The following ST8SIA1 variants were observed in gnomAD, a reference collection of about 807,000 sequenced individuals.
ST8SIA1 encodes alpha-N-acetylneuraminide alpha-2,8-sialyltransferase.
In ST8SIA1, 16 loss-of-function variants were observed where a neutral mutation model predicts 35.9. The ratio of observed to expected loss-of-function variants is 0.45; its 90% CI spans 0.30 to 0.68. ST8SIA1 has a LOEUF of 0.68. Among genes scored for constraint, ST8SIA1 ranks in the 30% least tolerant of loss-of-function variants. The probability of loss-of-function intolerance (pLI) is 0.09; values close to 1 mark genes in which losing one functional copy is unlikely to be tolerated. For missense variants in ST8SIA1, 383 were observed against 453.6 expected (o/e 0.84, Z 1.41); for synonymous variants, 170 against 169.6 (o/e 1.00, Z -0.02).
chr12:22,199,779 T>C lies in ST8SIA1; in HGVS notation c.*1773A>G, dbSNP rs1865030166. The C allele has an allele frequency of 6.6e-6, 1 of 152,234 alleles. No individual in the cohort carries two copies. The highest frequency in any genetic ancestry group is 1.5e-5 in the Non-Finnish European group (1 of 68,038). 9.4% of individuals were successfully genotyped at this position (152,234 alleles called of 1,614,324 possible). A position where few individuals can be genotyped will look rare whatever the true frequency, so the allele number is the denominator to read the frequency against. On this transcript the variant is annotated 3_prime_UTR_variant, in exon 5 of 5. Transcript: ENST00000396037. ...AACCCACAGAAAATACCAGCCATTATTGTTTACGTGGTAACATGGTATGCT... is the reference window on the plus strand; with the variant it reads ...AACCCACAGAAAATACCAGCCATTACTGTTTACGTGGTAACATGGTATGCT...
intron 1 of ST8SIA1, among the ~76,000 whole-genome samples, chr12:22,314,095 T>C (rs1467158849): frequency 6.6e-6 from 1 of 152,092 alleles, no homozygotes; most frequent in Non-Finnish European, 1.5e-5. Flanking sequence ...GTTTTCCCCA[T>C]CCATCCAGAC....
chr12:22,235,799 G>T (rs1865470669), intron 4 of ST8SIA1, among the ~76,000 whole-genome samples: 1 of 152,044 alleles, frequency 6.6e-6, no homozygotes, highest in South Asian at 2.1e-4. Flanking sequence ...CCCTAGGAGG[G>T]TTATATTCTC....
At chr12:22,308,488 T>A (rs1343771913) in intron 1 of ST8SIA1, among the ~76,000 whole-genome samples, 1 of 152,184 alleles carries the variant, frequency 6.6e-6, no homozygotes, top group Non-Finnish European at 1.5e-5. Context: ...AGATCTTTAA[T>A]TTTTGCCCAT....
chr12:22,253,438 T>G (rs1865695717), intron 3 of ST8SIA1, among the ~76,000 whole-genome samples: 1 of 152,194 alleles, frequency 6.6e-6, no homozygotes, highest in African/African-American at 2.4e-5. Context: ...GCAACAGCAC[T>G]TGCTATCTTT....
At chr12:22,309,185 C>A (rs762961372) in intron 1 of ST8SIA1, among the ~76,000 whole-genome samples, 1 of 152,128 alleles carries the variant, frequency 6.6e-6, no homozygotes, top group Non-Finnish European at 1.5e-5. Flanking sequence ...TTGGCCATGA[C>A]GAGGGATAGG....
Position 22,195,608 on chromosome 12 carries a change from A to G in ST8SIA1, c.*5944T>C, listed in dbSNP as rs1042493204. The G allele has an allele frequency of 2.0e-5, 3 of 152,194 alleles. No homozygotes were observed. Among genetic ancestry groups the G allele is most frequent in the South Asian group, 2.1e-4 (1 of 4,828 alleles). 9.4% of individuals were successfully genotyped at this position (152,194 alleles called of 1,614,324 possible). On this transcript the variant is annotated 3_prime_UTR_variant, in exon 5 of 5. Transcript: ENST00000396037. ...CAGAGAAAACTATTCATTATTAACC[A>G]TAACAGCTGGATGACAAGATATTTC...
intron 2 of ST8SIA1, among the ~76,000 whole-genome samples, chr12:22,271,632 T>C (rs1865912866): frequency 6.6e-6 from 1 of 152,182 alleles, no homozygotes; most frequent in Non-Finnish European, 1.5e-5. Flanking sequence ...AAGTGCCAGG[T>C]CTGGAACTTA....
Position 22,199,137 on chromosome 12 carries a change from A to G in ST8SIA1, c.*2415T>C, listed in dbSNP as rs144897161. On this transcript the variant is annotated 3_prime_UTR_variant, in exon 5 of 5. Coordinates refer to ENST00000396037, the MANE Select transcript of ST8SIA1 (RefSeq NM_003034.4). ...TAAAAAGATGAAAAATTTCCACATAATATTTTCTTTCTTTTTCTTTTCTTT... is the reference window on the plus strand; with the variant it reads ...TAAAAAGATGAAAAATTTCCACATAGTATTTTCTTTCTTTTTCTTTTCTTT... The G allele has an allele frequency of 0.017, 2,578 of 148,734 alleles. 55 individuals carry two copies. Among genetic ancestry groups the G allele is most frequent in the Admixed American group, 0.072 (1,044 of 14,444 alleles). The allele number at this position is 148,734 out of a possible 1,614,324, so 9.2% of individuals were successfully genotyped here. A position where few individuals can be genotyped will look rare whatever the true frequency, so the allele number is the denominator to read the frequency against.
chr12:22,223,051 ACTTC>A lies in ST8SIA1; in HGVS notation c.585-21017_585-21014del, dbSNP rs951938972. Among the ~76,000 whole-genome samples the A allele has an allele frequency of 1.1e-4, 16 of 152,262 alleles. No individual in the cohort carries two copies. In the South Asian group the frequency reaches 1.5e-3, roughly 14 times the overall value. Reference sequence around the variant, plus strand: ...TTTTCTTTTCATTCATGTCCTCAATACTTCCTTCATTTATTTAACAAACATGTGT... The same window carrying A: ...TTTTCTTTTCATTCATGTCCTCAATACTTCATTTATTTAACAAACATGTGT... On this transcript the variant is annotated intron_variant, in intron 4 of 4. Transcript: ENST00000396037.
In ST8SIA1 at chr12:22,249,074, A is replaced by T. The variant is rs1478577198; in HGVS notation, c.516T>A (p.Ser172Arg). Residue 172 changes from serine (S) to arginine (R), a missense_variant, in exon 4 of 5, where the codon AGT becomes AGA. Transcript: ENST00000396037. The part of the protein sequence containing the change: ...VMRCNLPPLS[S>R]EYTKDVGSKS... ...TGGATCCAACATCCTTAGTGTATTC[A>T]CTTGACAAAGGAGGGAGATTGCATC... 1.9e-6 allele frequency: 3 copies of T among 1,613,508 alleles called. No homozygotes were observed.
At chr12:22,204,407 G>A (rs1048208047) in intron 4 of ST8SIA1, among the ~76,000 whole-genome samples, 1 of 152,198 alleles carries the variant, frequency 6.6e-6, no homozygotes, top group African/African-American at 2.4e-5. Flanking sequence ...CGTTCCCAGT[G>A]CTACATTCTC....
intron 1 of ST8SIA1, among the ~76,000 whole-genome samples, chr12:22,321,024 A>C (rs948073569): frequency 9.8e-6 from 1 of 102,416 alleles, no homozygotes. Flanking sequence ...GAAAGAAAGA[A>C]AGAAAGAAAG....
At chr12:22,269,498 A>G (rs1225602790) in intron 2 of ST8SIA1, among the ~76,000 whole-genome samples, 1 of 152,182 alleles carries the variant, frequency 6.6e-6, no homozygotes, top group Non-Finnish European at 1.5e-5. Context: ...ATTTAACAAG[A>G]TATTATGGAT....
intron 4 of ST8SIA1, among the ~76,000 whole-genome samples, chr12:22,226,245 TACCATGACATCTGTCCTGAA>T (rs1392513977): frequency 4.9e-4 from 75 of 152,320 alleles, no homozygotes; most frequent in African/African-American, 1.7e-3. Context: ...TCTTGGTACT[TACCATGACATCTGTCCTGAA>T]ATTTAGTGAT....
intron 2 of ST8SIA1, among the ~76,000 whole-genome samples, chr12:22,272,785 A>T (rs1348863660): frequency 6.6e-6 from 1 of 152,186 alleles, no homozygotes; most frequent in Non-Finnish European, 1.5e-5. Flanking sequence ...CAGGGAAGAG[A>T]CCTCGGAACC....
chr12:22,233,124 A>G (rs1426895187), intron 4 of ST8SIA1, among the ~76,000 whole-genome samples: 2 of 152,230 alleles, frequency 1.3e-5, no homozygotes, highest in African/African-American at 4.8e-5. Flanking sequence ...TAGGCGTATC[A>G]CTGTGAAATT....
At chr12:22,301,153 T>C (rs898033236) in intron 1 of ST8SIA1, among the ~76,000 whole-genome samples, 21 of 152,118 alleles carry the variant, frequency 1.4e-4, no homozygotes, top group African/African-American at 4.8e-4. Flanking sequence ...TGGACAATTA[T>C]TGTCTTGTTT....
rs777018933 is a variant in ST8SIA1 at position 22,334,085 on chromosome 12, G to T, written c.148C>A (p.Arg50=). ...LCWLYIFPVY[R]LPNEKEIVQG... is the part of the protein sequence containing the mutation. ...ACGATCTCTTTCTCGTTGGGCAGCC[G>T]GTAGACGGGGAAGATGTAGAGCCAA... Residue 50 remains arginine (R), a synonymous_variant, in exon 1 of 5, where the codon CGG becomes AGG. Coordinates refer to ENST00000396037, the MANE Select transcript of ST8SIA1 (RefSeq NM_003034.4). 1 of 1,614,102 alleles carries T rather than the reference G, an allele frequency of 6.2e-7. No individual in the cohort carries two copies. The highest frequency in any genetic ancestry group is 8.5e-7 in the Non-Finnish European group (1 of 1,180,018).
At chr12:22,235,048 C>T (rs894809958) in intron 4 of ST8SIA1, among the ~76,000 whole-genome samples, 4 of 152,006 alleles carry the variant, frequency 2.6e-5, no homozygotes, top group African/African-American at 7.3e-5. Flanking sequence ...CGTGTGTGAG[C>T]GCATGTATTG....
Sources: gnomAD v4.1 joint callset for allele counts (sites outside exome capture counted in the v4.1 genomes callset) on GRCh38, gnomAD v4.1.1 for gene constraint, MANE v1.5 for transcripts, NCBI Gene and HGNC (gene_info 2026-07-23, HGNC 2026-07-21) for gene names.